The following RUSC2 variants were observed in gnomAD, a reference collection of about 807,000 sequenced individuals.
RUSC2 encodes the protein RUN and SH3 domain containing 2.
RUSC2 carries 34 observed loss-of-function variants against 122.2 expected under a neutral mutation model. That is an observed-to-expected ratio of 0.28 (90% CI 0.21 to 0.37). The LOEUF (loss-of-function observed/expected upper bound fraction) is 0.37. RUSC2 is among the 10% of genes least tolerant of loss of function. The pLI is 1.00. For synonymous variants in RUSC2, 784 were observed against 790.0 expected (o/e 0.99, Z 0.13); for missense variants, 1,747 against 1,952.4 (o/e 0.89, Z 1.98).
intron 1 of RUSC2, among the ~76,000 whole-genome samples, chr9:35,495,075 A>ATATAC (rs1310646663): frequency 4.1e-4 from 2 of 4,902 alleles, no homozygotes; most frequent in Admixed American, 2.5e-3. Flanking sequence ...TATATATTAT[A>ATATAC]TATAGTATAT....
chr9:35,555,420 G>A lies in RUSC2; in HGVS notation c.2375G>A (p.Ser792Asn). 6.2e-7 allele frequency: 1 copy of A among 1,614,222 alleles called. No individual in the cohort carries two copies. The highest frequency in any genetic ancestry group is 8.5e-7 in the Non-Finnish European group (1 of 1,180,036). Reference sequence around the variant, plus strand: ...CGGAGTGTTGGCCCCTTTGGGCCCAGCACTGACTCTTCTGCCTCCACTTCG... The same window carrying A: ...CGGAGTGTTGGCCCCTTTGGGCCCAACACTGACTCTTCTGCCTCCACTTCG... ...PIRSVGPFGP[S>N]TDSSASTSCS... is the part of the protein sequence containing the mutation. Residue 792 changes from serine (S) to asparagine (N), a missense_variant, in exon 3 of 12, where the codon AGC becomes AAC. Transcript: ENST00000361226. This position sits in a 1 kb window ranked among gnomAD's most constrained non-coding sequence, Gnocchi z 4.6.
intron 1 of RUSC2, among the ~76,000 whole-genome samples, chr9:35,494,493 A>G (rs1820635047): frequency 6.6e-6 from 1 of 152,116 alleles, no homozygotes; most frequent in African/African-American, 2.4e-5. Flanking sequence ...AACCATCCTA[A>G]GCAGTGTGAA....
chr9:35,548,624 C>T lies in RUSC2; in HGVS notation c.2014+89C>T. On this transcript the variant is annotated intron_variant, in intron 2 of 11. Transcript: ENST00000361226. The surrounding 1 kb of genome is among the most constrained non-coding windows in gnomAD (Gnocchi z 4.5). ...CCTGACAGGTCCCTGCCAGACCACCCCATCCATACCACTAGAGGTTCCACA... is the reference window on the plus strand; with the variant it reads ...CCTGACAGGTCCCTGCCAGACCACCTCATCCATACCACTAGAGGTTCCACA... 2.1e-6 allele frequency: 3 copies of T among 1,454,338 alleles called. No homozygotes were observed. Among genetic ancestry groups the T allele is most frequent in the Non-Finnish European group, 2.7e-6 (3 of 1,109,032 alleles). The allele number at this position is 1,454,338 out of a possible 1,614,324, so 90.1% of individuals were successfully genotyped here. A position where few individuals can be genotyped will look rare whatever the true frequency, so the allele number is the denominator to read the frequency against.
chr9:35,522,817 A>G (rs1251755854), intron 1 of RUSC2, among the ~76,000 whole-genome samples: 1 of 152,228 alleles, frequency 6.6e-6, no homozygotes, highest in Non-Finnish European at 1.5e-5. Context: ...AAACTTAGCC[A>G]AAAGGAATTA....
chr9:35,509,863 AT>A (rs1194097753), intron 1 of RUSC2, among the ~76,000 whole-genome samples: 1 of 152,198 alleles, frequency 6.6e-6, no homozygotes, highest in Non-Finnish European at 1.5e-5. Flanking sequence ...GGAAGGTATT[AT>A]CCCCATTTTA....
chr9:35,547,939 C>T lies in RUSC2; in HGVS notation c.1418C>T (p.Pro473Leu), dbSNP rs61740253. Residue 473 changes from proline (P) to leucine (L), a missense_variant, in exon 2 of 12, where the codon CCC (proline) becomes CTC (leucine). Pro to Leu is a moderately conservative substitution (Grantham distance 98). Transcript: ENST00000361226. The surrounding 1 kb of genome is among the most constrained non-coding windows in gnomAD (Gnocchi z 4.6). ...SSTQAAAAVG[P>L]TVLEGQVYTN... ...ACCCAAGCAGCAGCTGCTGTGGGCC[C>T]CACTGTGCTTGAGGGACAAGTATAC... 710 of 1,614,258 alleles carry T rather than the reference C, an allele frequency of 4.4e-4. 3 individuals are homozygous for T. The African/African-American group carries it at 8.7e-3, about 20-fold the overall frequency.
In RUSC2 at chr9:35,558,181, C is replaced by T. The variant is rs957549069; in HGVS notation, c.3061-16C>T. 10 of 1,609,260 alleles carry T rather than the reference C, an allele frequency of 6.2e-6. No homozygotes were observed. The Admixed American group carries it at 6.7e-5, about 11-fold the overall frequency. On this transcript the variant is annotated splice_polypyrimidine_tract_variant and intron_variant, in intron 6 of 11. Transcript: ENST00000361226. The surrounding 1 kb of genome is among the most constrained non-coding windows in gnomAD (Gnocchi z 4.3). Reference sequence around the variant, plus strand: ...GGCCTGAGGGGGTTTCCTGCACTTCCCTACCACACCTACAGGCAAAGCTGG... The same window carrying T: ...GGCCTGAGGGGGTTTCCTGCACTTCTCTACCACACCTACAGGCAAAGCTGG...
intron 2 of RUSC2, among the ~76,000 whole-genome samples, chr9:35,552,455 C>T (rs1439244133): frequency 6.6e-6 from 1 of 152,212 alleles, no homozygotes; most frequent in African/African-American, 2.4e-5. Context: ...AGGGATCTTA[C>T]TGAATCTTGA....
rs7854218 is a variant in RUSC2 at position 35,558,139 on chromosome 9, C to G, written c.3061-58C>G. ...AGAGGGGAACCATGAGGGCCTGCTA[C>G]GAGAGGACCACAGTCAGGCCTGAGG... On this transcript the variant is annotated intron_variant, in intron 6 of 11. Transcript: ENST00000361226. The surrounding 1 kb of genome is among the most constrained non-coding windows in gnomAD (Gnocchi z 4.3). The G allele has an allele frequency of 1.3e-6, 2 of 1,593,210 alleles. No individual in the cohort carries two copies. The highest frequency in any genetic ancestry group is 2.2e-5 in the East Asian group (1 of 44,652).
At chr9:35,559,477 G>A (rs560596040) in intron 9 of RUSC2, among the ~76,000 whole-genome samples, 33 of 152,342 alleles carry the variant, frequency 2.2e-4, no homozygotes, top group Non-Finnish European at 4.7e-4. Context: ...GCTCATGCCT[G>A]TAATCCCAGC....
At chr9:35,494,775 G>C (rs1236327605) in intron 1 of RUSC2, among the ~76,000 whole-genome samples, 1 of 150,660 alleles carries the variant, frequency 6.6e-6, no homozygotes, top group Non-Finnish European at 1.5e-5. Context: ...TTTGATGCAC[G>C]AAAGTTTTTA....
chr9:35,496,484 T>C (rs573348133), intron 1 of RUSC2, among the ~76,000 whole-genome samples: 4 of 152,312 alleles, frequency 2.6e-5, no homozygotes, highest in Non-Finnish European at 4.4e-5. Context: ...AGCTTGCACT[T>C]GGCCAGCCCA....
At chr9:35,496,813 A>G (rs1258042802) in intron 1 of RUSC2, among the ~76,000 whole-genome samples, 1 of 152,250 alleles carries the variant, frequency 6.6e-6, no homozygotes, top group South Asian at 2.1e-4. Context: ...CATGCACTAC[A>G]TGGTGTTATT....
At chr9:35,520,669 C>T (rs1337023076) in intron 1 of RUSC2, among the ~76,000 whole-genome samples, 1 of 152,220 alleles carries the variant, frequency 6.6e-6, no homozygotes, top group African/African-American at 2.4e-5. Flanking sequence ...AGCCAAAGGA[C>T]TGACCACACT....
chr9:35,505,404 C>T (rs894360225), intron 1 of RUSC2, among the ~76,000 whole-genome samples: 1 of 152,298 alleles, frequency 6.6e-6, no homozygotes, highest in East Asian at 1.9e-4. Context: ...TTCTACTCCT[C>T]CTCTAACAGT....
At position 35,497,016 on chromosome 9, in the gene RUSC2, C is replaced by T. The variant is rs1341084646; in HGVS notation, c.-93+6844C>T. ...AATCTGGCATTTAATCCTCACAAAA[C>T]GAATAGTGACTACACAGTCAAGCAT... On this transcript the variant is annotated intron_variant, in intron 1 of 11. Coordinates refer to ENST00000361226, the MANE Select transcript of RUSC2 (RefSeq NM_014806.5). Among the ~76,000 whole-genome samples the T allele has an allele frequency of 2.6e-5, 4 of 152,192 alleles. No homozygotes were observed. The South Asian group carries it at 6.2e-4, about 24-fold the overall frequency.
At chr9:35,494,793 A>T in intron 1 of RUSC2, among the ~76,000 whole-genome samples, 1 of 150,298 alleles carries the variant, frequency 6.7e-6, no homozygotes, top group Non-Finnish European at 1.5e-5. Context: ...TTAAATTTGA[A>T]ATCTAATTTA....
At position 35,561,168 on chromosome 9, in the gene RUSC2, G is replaced by T; in HGVS notation, c.4350-13G>T. On this transcript the variant is annotated splice_polypyrimidine_tract_variant and intron_variant, in intron 11 of 11. Coordinates refer to ENST00000361226, the MANE Select transcript of RUSC2 (RefSeq NM_014806.5). ...GAGGGGGTTTCTCTGACCTCCATGT[G>T]CTGTTTCCCCAGTGAGGTGCAGGCA... The T allele has an allele frequency of 6.2e-7, 1 of 1,613,850 alleles. No individual in the cohort carries two copies. Among genetic ancestry groups the T allele is most frequent in the Non-Finnish European group, 8.5e-7 (1 of 1,179,872 alleles).
chr9:35,509,023 TA>T (rs778725844), intron 1 of RUSC2, among the ~76,000 whole-genome samples: 28 of 149,482 alleles, frequency 1.9e-4, no homozygotes, highest in South Asian at 6.3e-4. Context: ...AATTAGTCTT[TA>T]AAAAAAAAAG....
Sources: allele counts gnomAD v4.1 joint callset (sites outside exome capture counted in the v4.1 genomes callset), GRCh38; gene constraint gnomAD v4.1.1; non-coding constraint Gnocchi (gnomAD v3.1); transcripts MANE v1.5; gene names NCBI Gene and HGNC (gene_info 2026-07-23, HGNC 2026-07-21).